The following GNL3L variants were observed in gnomAD, a reference collection of about 807,000 sequenced individuals.
GNL3L encodes the protein G protein nucleolar 3 like.
A neutral mutation model predicts 42.9 loss-of-function variants in GNL3L; 4 were observed. That is an observed-to-expected ratio of 0.09 (90% CI 0.05 to 0.21). The LOEUF (loss-of-function observed/expected upper bound fraction) is 0.21, where lower values mean the gene tolerates loss of function less well. GNL3L is among the 10% of genes least tolerant of loss of function. The pLI is 1.00. For missense variants in GNL3L, 412 were observed against 481.7 expected (o/e 0.86, Z 1.36); for synonymous variants, 159 against 176.3 (o/e 0.90, Z 0.78).
intron 16 of GNL3L, among the ~76,000 whole-genome samples, chrX:54,609,790 C>T (rs1161308867): frequency 2.7e-5 from 3 of 111,881 alleles, no homozygotes; most frequent in Non-Finnish European, 5.6e-5. Context: ...TGTGATGCCT[C>T]CACAATTGTT....
At position 54,552,391 on chromosome X, in the gene GNL3L, C is replaced by T. The variant is rs145652118; in HGVS notation, c.1281C>T (p.Ile427=). The change falls in exon 13 of 16, where the codon ATC becomes ATT. Residue 427 remains isoleucine (I), a synonymous_variant. Coordinates refer to ENST00000360845, the MANE Select transcript of GNL3L (RefSeq NM_001184819.2). ...IVKEMTEVFD[I]EDTEQANEDT... ...AGGAAATGACCGAGGTCTTTGACAT[C>T]GAGGATACTGAGCAGGCCAATGAAG... The T allele has an allele frequency of 1.7e-6, 2 of 1,210,011 alleles. No homozygotes were observed. Among genetic ancestry groups the T allele is most frequent in the Non-Finnish European group, 2.2e-6 (2 of 894,090 alleles).
intron 15 of GNL3L, among the ~76,000 whole-genome samples, chrX:54,559,392 C>G (rs1410599199): frequency 8.9e-6 from 1 of 111,838 alleles, no homozygotes; most frequent in African/African-American, 3.3e-5. Flanking sequence ...CTCCCACCCG[C>G]TAGTCATCCA....
chrX:54,578,512 TA>T (rs1307289671), intron 16 of GNL3L, among the ~76,000 whole-genome samples: 1 of 112,440 alleles, frequency 8.9e-6, no homozygotes, highest in African/African-American at 3.2e-5. Context: ...ATCTTTTAAC[TA>T]ACTCTAATAG....
intron 16 of GNL3L, among the ~76,000 whole-genome samples, chrX:54,596,889 A>G (rs1394376003): frequency 9.0e-6 from 1 of 110,844 alleles, no homozygotes; most frequent in African/African-American, 3.3e-5. Flanking sequence ...CTTATGGCCC[A>G]AGGTCTCTTA....
chrX:54,539,429 T>C (rs986137194), intron 3 of GNL3L, among the ~76,000 whole-genome samples: 6 of 111,423 alleles, frequency 5.4e-5, no homozygotes, highest in African/African-American at 2.0e-4. Context: ...TCCCTGTTTC[T>C]TATGGAGAAG....
At chrX:54,535,055 AATTCGACCCATTCACATTTGTTATGAG>A (rs1924377668) in intron 2 of GNL3L, among the ~76,000 whole-genome samples, 1 of 112,048 alleles carries the variant, frequency 8.9e-6, no homozygotes, top group African/African-American at 3.2e-5. Context: ...TGTTTATTTA[AATTCGACCCATTCACATTTGTTATGAG>A]ACGTTTATGT....
intron 16 of GNL3L, among the ~76,000 whole-genome samples, chrX:54,593,750 C>G (rs1327007483): frequency 1.8e-5 from 2 of 110,984 alleles, no homozygotes; most frequent in East Asian, 5.6e-4. Flanking sequence ...TAAACTTCCC[C>G]TCTTAGCACG....
rs933682270 is a variant in GNL3L at position 54,565,808 on chromosome X, T to G, written c.*5206T>G. 5.5e-5 allele frequency among the ~76,000 whole-genome samples: 6 copies of G among 108,361 alleles called. No homozygotes were observed. The highest frequency in any genetic ancestry group is 9.5e-5 in the Non-Finnish European group (5 of 52,546). The allele number at this position is 108,361 out of a possible 115,157, so 94.1% of individuals were successfully genotyped here. ...TTATTTTTGAATTTTGAGGATTATATGCTGGATACAGGGGTGTTTTTTTTT... is the reference window on the plus strand; with the variant it reads ...TTATTTTTGAATTTTGAGGATTATAGGCTGGATACAGGGGTGTTTTTTTTT... On this transcript the variant is annotated 3_prime_UTR_variant, in exon 16 of 16. Coordinates refer to ENST00000360845, the MANE Select transcript of GNL3L (RefSeq NM_001184819.2).
Position 54,541,274 on chromosome X carries a change from T to C in GNL3L, c.191T>C (p.Val64Ala). 8.4e-7 allele frequency: 1 copy of C among 1,185,617 alleles called. No individual in the cohort carries two copies. Among genetic ancestry groups the C allele is most frequent in the Non-Finnish European group, 1.1e-6 (1 of 872,690 alleles). ...NREAELKKKW[V>A]EEMREKQQAA... is the part of the protein sequence containing the mutation. ...TACCAGTGTGTGTTCACTTGTTAGG[T>C]TGAGGAGATGAGGGAGAAGCAGCAA... The change falls in exon 5 of 16, where the codon GTT becomes GCT. Residue 64 changes from valine (V) to alanine (A), a missense_variant and splice_region_variant. Coordinates refer to ENST00000360845, the MANE Select transcript of GNL3L (RefSeq NM_001184819.2).
intron 16 of GNL3L, among the ~76,000 whole-genome samples, chrX:54,581,648 T>G (rs192274341): frequency 1.1e-4 from 12 of 112,605 alleles, no homozygotes; most frequent in Non-Finnish European, 2.1e-4. Context: ...AAGAATGTTA[T>G]ATTACTAGAG....
At chrX:54,643,255 A>AT in the GNL3L span, among the ~76,000 whole-genome samples, 1 of 110,912 alleles carries the variant, frequency 9.0e-6, no homozygotes, top group East Asian at 2.8e-4. Flanking sequence ...TTTTTTTCTA[A>AT]TTTTTTGTTT....
Position 54,552,302 on chromosome X carries a change from A to T in GNL3L, c.1192A>T (p.Ser398Cys). Residue 398 changes from serine to cysteine, a missense_variant, in exon 13 of 16, where the codon AGC becomes TGC. Physicochemically the swap from Ser to Cys is moderately radical, Grantham distance 112. Coordinates refer to ENST00000360845, the MANE Select transcript of GNL3L (RefSeq NM_001184819.2). The stretch of plus-strand genomic sequence containing the variant: ...TATCTCCCAATGCAGCGGGAAGATC[A>T]GCTTCTATATACCACCACCAGCCAC... ...VLADWVSGKI[S>C]FYIPPPATHT... The T allele has an allele frequency of 8.3e-7, 1 of 1,208,879 alleles. No individual in the cohort carries two copies. Among genetic ancestry groups the T allele is most frequent in the Non-Finnish European group, 1.1e-6 (1 of 892,825 alleles).
At chrX:54,615,911 T>C (rs1203771071) in intron 16 of GNL3L, among the ~76,000 whole-genome samples, 2 of 112,467 alleles carry the variant, frequency 1.8e-5, no homozygotes, top group African/African-American at 6.5e-5. Context: ...TGTCAACAGC[T>C]TTTCTGAAAC....
intron 5 of GNL3L, 39 bp from the exon 6 acceptor site, chrX:54,542,916 C>G (rs139764430): frequency 1.1e-6 from 1 of 886,054 alleles, no homozygotes; most frequent in Non-Finnish European, 1.7e-6. Flanking sequence ...CTCTCTCCCC[C>G]TCCTCCCCTG....
rs1926095956 is a variant in GNL3L, at chrX:54,607,075, T to TC, written c.*46-13770_*46-13769insC. Among the ~76,000 whole-genome samples, 11 of 36,838 alleles carry TC rather than the reference T, an allele frequency of 3.0e-4. 1 individual carries two copies. The highest frequency in any genetic ancestry group is 7.0e-4 in the East Asian group (1 of 1,422). The allele number at this position is 36,838 out of a possible 115,157, so 32.0% of individuals were successfully genotyped here. ...TTCTTTCTTTCTTTCTTTCTTTCTC[T>TC]TTCTTTCTTCTTTCTTTCTTTCTTT... On this transcript the variant is annotated intron_variant, in intron 16 of 16. Transcript: ENST00000674498.
At chrX:54,629,643 G>A in the GNL3L span, among the ~76,000 whole-genome samples, 1 of 111,589 alleles carries the variant, frequency 9.0e-6, no homozygotes, top group Non-Finnish European at 1.9e-5. Context: ...TTTTTGATAT[G>A]CTGTTGGATT....
chrX:54,624,540 C>T (rs1335496652), downstream of GNL3L, among the ~76,000 whole-genome samples: 30 of 105,126 alleles, frequency 2.9e-4, no homozygotes, highest in Admixed American at 2.9e-3. Context: ...CGGGTTCAAG[C>T]GATTCTCCTG....
At chrX:54,570,162 C>T (rs755522721), downstream of GNL3L, among the ~76,000 whole-genome samples, 1 of 111,666 alleles carries the variant, frequency 9.0e-6, no homozygotes, top group Admixed American at 9.5e-5. Flanking sequence ...TCGAAGTCCC[C>T]AATGATAATT....
At chrX:54,594,601 G>T in intron 16 of GNL3L, among the ~76,000 whole-genome samples, 1 of 107,250 alleles carries the variant, frequency 9.3e-6, no homozygotes, top group African/African-American at 3.4e-5. Context: ...GAAGCATTTA[G>T]TGAATTTACA....
Sources: gnomAD v4.1 joint callset for allele counts (sites outside exome capture counted in the v4.1 genomes callset) on GRCh38, gnomAD v4.1.1 for gene constraint, MANE v1.5 for transcripts, NCBI Gene and HGNC (gene_info 2026-07-23, HGNC 2026-07-21) for gene names.